NRTN: variants seen among roughly 807,000 people sequenced by gnomAD.
The protein encoded by NRTN is neurturin, also known as prepro-neurturin.
In NRTN, 3 loss-of-function variants were observed where a neutral mutation model predicts 7.5. The observed-to-expected ratio is 0.40, with a 90% CI of 0.18 to 1.03. NRTN has a LOEUF of 1.03. Ranked by LOEUF, NRTN falls within the 50% of genes least tolerant of loss-of-function variation. The probability of loss-of-function intolerance (pLI) is 0.34; values close to 1 mark genes in which losing one functional copy is unlikely to be tolerated. For synonymous variants in NRTN, 157 were observed against 146.6 expected, an observed-to-expected ratio of 1.07 and a Z score of -0.51; for missense variants, 310 against 307.0, an observed-to-expected ratio of 1.01 and a Z score of -0.07.
chr19:5,814,174 T>C (rs1019246454), intron 1 of NRTN, among the ~76,000 whole-genome samples: 1 of 152,124 alleles, frequency 6.6e-6, no homozygotes, highest in African/African-American at 2.4e-5. Flanking sequence ...AAGTCAGCCC[T>C]GTGCCCTGCA....
At position 5,827,850 on chromosome 19, in the gene NRTN, C is replaced by G. The variant is rs545196289; in HGVS notation, c.271C>G (p.Arg91Gly). The G allele has an allele frequency of 1.7e-4, 195 of 1,174,102 alleles. No individual in the cohort carries two copies. The highest frequency in any genetic ancestry group is 1.0e-3 in the Middle Eastern group (4 of 3,960). The allele number at this position is 1,174,102 out of a possible 1,614,324, so 72.7% of individuals were successfully genotyped here. A position where few individuals can be genotyped will look rare whatever the true frequency, so the allele number is the denominator to read the frequency against. Residue 91 changes from arginine (R) to glycine (G), a missense_variant, in exon 3 of 3, where the codon CGG (arginine) becomes GGG (glycine). By Grantham distance (125) the Arg-to-Gly change is moderately radical. Transcript: ENST00000303212. ...TCCGCGCCGTCGGGCGGGGCCCCGG[C>G]GGCGGCGCGCGCGTGCGCGGTTGGG... Reference protein sequence around the residue: ...PGPRRRAGPRRRRARARLGAR... With the variant: ...PGPRRRAGPRGRRARARLGAR...
chr19:5,827,147 A>T (rs926354229), intron 2 of NRTN, among the ~76,000 whole-genome samples: 1 of 152,082 alleles, frequency 6.6e-6, no homozygotes, highest in African/African-American at 2.4e-5. Context: ...ACAGCGGGGC[A>T]GTGGGGATGG....
Position 5,823,797 on chromosome 19 carries a change from C to T in NRTN, c.-369C>T. 2.6e-6 allele frequency: 1 copy of T among 385,546 alleles called. No homozygotes were observed. The allele number at this position is 385,546 out of a possible 1,614,324, so 23.9% of individuals were successfully genotyped here. On this transcript the variant is annotated 5_prime_UTR_variant, in exon 2 of 3. Coordinates refer to ENST00000303212, the MANE Select transcript of NRTN (RefSeq NM_004558.5). Reference sequence around the variant, plus strand: ...AGCCGCTCCGGCCTCCTTGCTGTTCCTGGGATACGCCACACTCAGTCTGGC... The same window carrying T: ...AGCCGCTCCGGCCTCCTTGCTGTTCTTGGGATACGCCACACTCAGTCTGGC...
At chr19:5,816,837 G>T (rs1169354846) in intron 1 of NRTN, among the ~76,000 whole-genome samples, 1 of 152,220 alleles carries the variant, frequency 6.6e-6, no homozygotes, top group African/African-American at 2.4e-5. Flanking sequence ...TTGAATGAAG[G>T]TGGAAGCGTC....
chr19:5,816,302 CT>C (rs1338549808), intron 1 of NRTN, among the ~76,000 whole-genome samples: 2 of 152,202 alleles, frequency 1.3e-5, no homozygotes, highest in Non-Finnish European at 2.9e-5. Context: ...CCCCTCCAAT[CT>C]GAGACTCCTC....
chr19:5,805,505 G>A (rs1419300542), intron 1 of NRTN, among the ~76,000 whole-genome samples, 54 bp downstream of exon 1: 1 of 151,890 alleles, frequency 6.6e-6, no homozygotes, highest in African/African-American at 2.4e-5. Flanking sequence ...CGACGGGGAC[G>A]ACCTGCCCCA....
At chr19:5,819,989 A>C (rs1211545189) in intron 1 of NRTN, among the ~76,000 whole-genome samples, 1 of 151,764 alleles carries the variant, frequency 6.6e-6, no homozygotes, top group Non-Finnish European at 1.5e-5. Context: ...GATGATGGCC[A>C]GGCACGGTGG....
intron 1 of NRTN, among the ~76,000 whole-genome samples, chr19:5,810,948 A>G (rs2056988844): frequency 6.6e-6 from 1 of 151,214 alleles, no homozygotes; most frequent in South Asian, 2.1e-4. Flanking sequence ...AAGAATATAT[A>G]GGTTATAGGC....
chr19:5,809,652 A>G (rs1327296968), intron 1 of NRTN, among the ~76,000 whole-genome samples: 1 of 152,068 alleles, frequency 6.6e-6, no homozygotes, highest in East Asian at 1.9e-4. Context: ...GTAGGCGCTC[A>G]ATAAGTGTTT....
chr19:5,827,782 T>A lies in NRTN; in HGVS notation c.203T>A (p.Met68Lys). The change falls in exon 3 of 3, where the codon ATG becomes AAG. Residue 68 changes from methionine (M) to lysine (K), a missense_variant. Coordinates refer to ENST00000303212, the MANE Select transcript of NRTN (RefSeq NM_004558.5). ...CTCCTGCAGGGGGCCCCGGATGCGA[T>A]GGAGCTGCGCGAGCTGACGCCCTGG... is the stretch of plus-strand genomic sequence containing the variant. ...RALLQGAPDA[M>K]ELRELTPWAG... 1.7e-6 allele frequency: 2 copies of A among 1,205,480 alleles called. No individual in the cohort carries two copies. The highest frequency in any genetic ancestry group is 2.1e-6 in the Non-Finnish European group (2 of 969,214). 74.7% of individuals were successfully genotyped at this position (1,205,480 alleles called of 1,614,324 possible).
chr19:5,808,614 C>T (rs1187904664), intron 1 of NRTN, among the ~76,000 whole-genome samples: 1 of 152,202 alleles, frequency 6.6e-6, no homozygotes, highest in African/African-American at 2.4e-5. Flanking sequence ...CTCGTTACTT[C>T]CCGCCTCATC....
chr19:5,811,963 G>A (rs993428747), intron 1 of NRTN, among the ~76,000 whole-genome samples: 5 of 151,730 alleles, frequency 3.3e-5, no homozygotes, highest in Admixed American at 6.6e-5. Context: ...TCCGCCTCTT[G>A]GGTTCACGCC....
intron 1 of NRTN, among the ~76,000 whole-genome samples, chr19:5,810,704 C>G (rs572790546): frequency 1.3e-5 from 2 of 152,096 alleles, no homozygotes; most frequent in Non-Finnish European, 2.9e-5. Context: ...GAGGCCGAGG[C>G]GGGCGGATCA....
intron 1 of NRTN, among the ~76,000 whole-genome samples, chr19:5,810,551 C>T (rs552209344): frequency 6.6e-6 from 1 of 152,186 alleles, no homozygotes; most frequent in South Asian, 2.1e-4. Context: ...GAGGAAAGCA[C>T]TCATCACAGT....
intron 1 of NRTN, among the ~76,000 whole-genome samples, chr19:5,814,269 CAAGAGGAAG>C (rs531073628): frequency 6.6e-6 from 1 of 152,192 alleles, no homozygotes; most frequent in East Asian, 1.9e-4. Flanking sequence ...CAGGGCTGGG[CAAGAGGAAG>C]GCACCCATGG....
chr19:5,813,732 C>G (rs983760872), intron 1 of NRTN, among the ~76,000 whole-genome samples: 1 of 149,194 alleles, frequency 6.7e-6, no homozygotes, highest in Non-Finnish European at 1.5e-5. Flanking sequence ...CCCAGTTACT[C>G]GGGAGGCTGA....
At chr19:5,826,005 G>A (rs2057044618) in intron 2 of NRTN, among the ~76,000 whole-genome samples, 1 of 152,134 alleles carries the variant, frequency 6.6e-6, no homozygotes, top group African/African-American at 2.4e-5. Flanking sequence ...CGTGGTGGCG[G>A]GCGCCTGTAG....
intron 1 of NRTN, among the ~76,000 whole-genome samples, chr19:5,817,505 A>AAGGG (rs150950820): frequency 7.6e-6 from 1 of 132,444 alleles, no homozygotes; most frequent in Non-Finnish European, 1.6e-5. Flanking sequence ...GAAAGGAAGG[A>AAGGG]AGGGAGGGAG....
At chr19:5,809,244 C>T (rs573755085) in intron 1 of NRTN, among the ~76,000 whole-genome samples, 54 of 150,554 alleles carry the variant, frequency 3.6e-4, no homozygotes, top group Middle Eastern at 6.8e-3. Flanking sequence ...AATCATAGCT[C>T]ATTGCAGCCT....
Sources: gnomAD v4.1 joint callset for allele counts (sites outside exome capture counted in the v4.1 genomes callset) on GRCh38, gnomAD v4.1.1 for gene constraint, MANE v1.5 for transcripts, NCBI Gene and HGNC (gene_info 2026-07-23, HGNC 2026-07-21) for gene names.